The following PDSS2 variants were observed in gnomAD, a reference collection of about 807,000 sequenced individuals.
PDSS2 encodes all trans-polyprenyl-diphosphate synthase PDSS2.
Under a neutral mutation model 44.5 loss-of-function variants are expected in PDSS2, and 31 were observed. That is an observed-to-expected ratio of 0.70 (90% confidence interval 0.52 to 0.94). PDSS2 has a LOEUF of 0.94. Ranked by LOEUF, PDSS2 falls within the 40% of genes least tolerant of loss-of-function variation. The pLI is 0.00. For missense variants in PDSS2, 452 were observed against 482.2 expected, an observed-to-expected ratio of 0.94 and a Z score of 0.59; for synonymous variants, 157 against 180.3, an observed-to-expected ratio of 0.87 and a Z score of 1.03.
chr6:107,401,225 G>A (rs1355537047), intron 1 of PDSS2, among the ~76,000 whole-genome samples: 3 of 152,154 alleles, frequency 2.0e-5, no homozygotes, highest in Non-Finnish European at 4.4e-5. Flanking sequence ...ACACAAGCCC[G>A]GCTACTCAGG....
intron 6 of PDSS2, among the ~76,000 whole-genome samples, chr6:107,197,271 G>T (rs1468632360): frequency 6.8e-6 from 1 of 147,862 alleles, no homozygotes; most frequent in Non-Finnish European, 1.5e-5. Flanking sequence ...TAAGGGGGGG[G>T]TGCAGTCTTG....
intron 7 of PDSS2, among the ~76,000 whole-genome samples, chr6:107,184,744 G>A (rs1194378785): frequency 1.3e-5 from 2 of 152,116 alleles, no homozygotes. Context: ...ATTCTAGCAG[G>A]GAGGATGAGT....
At chr6:107,315,377 A>T (rs1777168585) in intron 2 of PDSS2, among the ~76,000 whole-genome samples, 1 of 152,222 alleles carries the variant, frequency 6.6e-6, no homozygotes, top group Admixed American at 6.5e-5. Context: ...TAGCAAAGAG[A>T]TCTTTTGAAG....
intron 1 of PDSS2, among the ~76,000 whole-genome samples, chr6:107,429,901 A>AAAAAT (rs1166637352): frequency 1.9e-4 from 6 of 31,836 alleles, no homozygotes; most frequent in Admixed American, 5.8e-4. Context: ...AAAAAAAAAA[A>AAAAAT]ATATATATAT....
At chr6:107,296,739 TAAAATAAAACAAAATAAA>T (rs984552226) in intron 2 of PDSS2, among the ~76,000 whole-genome samples, 4 of 151,758 alleles carry the variant, frequency 2.6e-5, no homozygotes, top group African/African-American at 9.7e-5. Flanking sequence ...AAAAAATAAA[TAAAATAAAACAAAATAAA>T]AAAATAAAAC....
chr6:107,227,278 CTT>C (rs60988844), intron 4 of PDSS2, among the ~76,000 whole-genome samples: 3 of 102,810 alleles, frequency 2.9e-5, no homozygotes, highest in East Asian at 2.7e-4. Context: ...CCACTGTGCC[CTT>C]TTTTTTTTTT....
chr6:107,245,047 A>G (rs752462812), intron 4 of PDSS2, among the ~76,000 whole-genome samples: 10 of 152,190 alleles, frequency 6.6e-5, no homozygotes, highest in Non-Finnish European at 1.5e-4. Flanking sequence ...AAATAATCCA[A>G]CTGTGCAATC....
chr6:107,286,136 T>TAAAAAA (rs1554262539), intron 2 of PDSS2, among the ~76,000 whole-genome samples: 4 of 128,746 alleles, frequency 3.1e-5, no homozygotes, highest in East Asian at 2.4e-4. Context: ...CGTCGCAAAA[T>TAAAAAA]AAAAAAAAAA....
chr6:107,278,745 T>C (rs1401509499), intron 2 of PDSS2, among the ~76,000 whole-genome samples: 1 of 152,176 alleles, frequency 6.6e-6, no homozygotes. Context: ...AACAATGGTA[T>C]GCAATAATAA....
At chr6:107,354,352 TTA>T (rs1400413859) in intron 1 of PDSS2, among the ~76,000 whole-genome samples, 1 of 152,224 alleles carries the variant, frequency 6.6e-6, no homozygotes, top group East Asian at 1.9e-4. Context: ...AAATGAGAAA[TTA>T]TGAAACAGGA....
chr6:107,259,153 A>C (rs1033088882), intron 3 of PDSS2, among the ~76,000 whole-genome samples: 5 of 152,216 alleles, frequency 3.3e-5, no homozygotes, highest in Non-Finnish European at 7.3e-5. Context: ...GCCCTCAAAA[A>C]TATAAATTGT....
chr6:107,206,324 G>A (rs1439958984), intron 6 of PDSS2, among the ~76,000 whole-genome samples: 4 of 152,126 alleles, frequency 2.6e-5, no homozygotes, highest in Admixed American at 6.6e-5. Context: ...CGCCCACCTC[G>A]GCCTCCCAAA....
chr6:107,401,598 AAAAAATT>A (rs1780107494), intron 1 of PDSS2, among the ~76,000 whole-genome samples: 1 of 152,188 alleles, frequency 6.6e-6, no homozygotes, highest in African/African-American at 2.4e-5. Flanking sequence ...AATGCCAGGT[AAAAAATT>A]AAAAATACTG....
chr6:107,255,062 G>A (rs1774962285), intron 3 of PDSS2, among the ~76,000 whole-genome samples: 1 of 151,446 alleles, frequency 6.6e-6, no homozygotes, highest in African/African-American at 2.4e-5. Context: ...CTAGAGACGG[G>A]GTTTCACCAT....
chr6:107,319,540 G>A (rs1777317782), intron 2 of PDSS2, among the ~76,000 whole-genome samples: 1 of 152,108 alleles, frequency 6.6e-6, no homozygotes, highest in Non-Finnish European at 1.5e-5. Flanking sequence ...AATTTAATAA[G>A]GGCATTGATA....
intron 2 of PDSS2, among the ~76,000 whole-genome samples, chr6:107,332,106 CTT>C (rs11284721): frequency 3.4e-3 from 463 of 135,696 alleles, no homozygotes; most frequent in Middle Eastern, 3.8e-3. Flanking sequence ...ATAAGGTAAA[CTT>C]TTTTTTTTTT....
intron 3 of PDSS2, among the ~76,000 whole-genome samples, chr6:107,252,340 C>G (rs913017545): frequency 3.3e-5 from 5 of 152,158 alleles, no homozygotes; most frequent in Non-Finnish European, 7.3e-5. Flanking sequence ...CTGGAGGAAG[C>G]TTCTAACTCA....
At chr6:107,190,377 T>C (rs867728524) in intron 7 of PDSS2, among the ~76,000 whole-genome samples, 77 of 152,306 alleles carry the variant, frequency 5.1e-4, no homozygotes, top group African/African-American at 1.8e-3. Context: ...TGTTTTCTAT[T>C]TTCTTACTCA....
At chr6:107,251,150 G>A (rs571250273) in intron 3 of PDSS2, among the ~76,000 whole-genome samples, 3 of 152,078 alleles carry the variant, frequency 2.0e-5, no homozygotes, top group East Asian at 1.9e-4. Flanking sequence ...CACCGCACCC[G>A]GCCACAAGGA....
Sources: gnomAD v4.1 joint callset for allele counts (sites outside exome capture counted in the v4.1 genomes callset) on GRCh38, gnomAD v4.1.1 for gene constraint, MANE v1.5 for transcripts, NCBI Gene and HGNC (gene_info 2026-07-23, HGNC 2026-07-21) for gene names.